Variants in SHROOM3 observed in about 807,000 individuals in gnomAD.
The protein encoded by SHROOM3 is protein Shroom3.
In SHROOM3, 47 loss-of-function variants were observed where a neutral mutation model predicts 138.6. That is an observed-to-expected ratio of 0.34 (90% CI 0.27 to 0.43). The LOEUF is 0.43. Ranked by LOEUF, SHROOM3 falls within the 20% of genes least tolerant of loss-of-function variation. The pLI, the probability that SHROOM3 is intolerant of heterozygous loss-of-function variation, is 1.00. For synonymous variants in SHROOM3, 1,062 were observed against 1,063.3 expected (o/e 1.00, Z 0.02); for missense variants, 2,491 against 2,596.5 (o/e 0.96, Z 0.88).
chr4:76,722,577 T>C (rs1720583655), intron 3 of SHROOM3, among the ~76,000 whole-genome samples: 1 of 151,878 alleles, frequency 6.6e-6, no homozygotes, highest in Non-Finnish European at 1.5e-5. Flanking sequence ...GCCTGGGTGA[T>C]GGAATAATCT....
chr4:76,584,422 C>T (rs1172058597), intron 2 of SHROOM3, among the ~76,000 whole-genome samples: 2 of 152,066 alleles, frequency 1.3e-5, no homozygotes, highest in South Asian at 2.1e-4. Flanking sequence ...CCAACACAAC[C>T]TGTTGAGGAT....
Position 76,595,963 on chromosome 4 carries a change from G to A in SHROOM3, c.323+40200G>A, listed in dbSNP as rs572697705. 3.3e-5 allele frequency among the ~76,000 whole-genome samples: 5 copies of A among 152,274 alleles called. No homozygotes were observed. In the South Asian group the frequency reaches 8.3e-4, roughly 25 times the overall value. On this transcript the variant is annotated intron_variant, in intron 2 of 10. Transcript: ENST00000296043. ...TAATCTGGGATAAGGTAAACCTGAA[G>A]TTCTCTGCTCCATGGTTGTTTTCTG...
At chr4:76,620,048 G>T (rs1367367857) in intron 2 of SHROOM3, among the ~76,000 whole-genome samples, 2 of 119,138 alleles carry the variant, frequency 1.7e-5, no homozygotes, top group South Asian at 2.7e-4. Flanking sequence ...TCCAGCCTGG[G>T]CAACAGAACA....
chr4:76,731,344 A>G (rs1377597893), intron 4 of SHROOM3, among the ~76,000 whole-genome samples: 1 of 152,112 alleles, frequency 6.6e-6, no homozygotes, highest in African/African-American at 2.4e-5. Flanking sequence ...TGCTCTTTCA[A>G]TTAAGGTAAT....
At chr4:76,647,914 TACAGAAAAA>T (rs1735861640) in intron 2 of SHROOM3, among the ~76,000 whole-genome samples, 2 of 152,060 alleles carry the variant, frequency 1.3e-5, no homozygotes, top group African/African-American at 4.8e-5. Flanking sequence ...ATAATAATAA[TACAGAAAAA>T]AACTATGGAC....
chr4:76,734,341 T>C (rs1025151298), intron 4 of SHROOM3, among the ~76,000 whole-genome samples: 2 of 152,186 alleles, frequency 1.3e-5, no homozygotes, highest in Admixed American at 6.5e-5. Flanking sequence ...GGGAGAACAA[T>C]AGTTTATAAA....
chr4:76,507,028 T>G (rs1732225755), intron 1 of SHROOM3, among the ~76,000 whole-genome samples: 1 of 152,178 alleles, frequency 6.6e-6, no homozygotes, highest in Non-Finnish European at 1.5e-5. Context: ...TGTTTCACAT[T>G]ATTAATGTCA....
At chr4:76,535,414 G>A (rs7441910) in intron 1 of SHROOM3, among the ~76,000 whole-genome samples, 102,824 of 151,966 alleles carry the variant, frequency 0.68, 35,159 homozygotes, top group East Asian at 0.94. Flanking sequence ...TTTGAAAATG[G>A]GAGCAATTCT....
chr4:76,489,666 G>A (rs528279049), intron 1 of SHROOM3, among the ~76,000 whole-genome samples: 143 of 152,264 alleles, frequency 9.4e-4, no homozygotes, highest in African/African-American at 3.3e-3. Flanking sequence ...GAGGCCTTGG[G>A]GTTTTGGAGG....
intron 2 of SHROOM3, among the ~76,000 whole-genome samples, chr4:76,624,947 C>T (rs1424993500): frequency 6.6e-6 from 1 of 152,160 alleles, no homozygotes; most frequent in Non-Finnish European, 1.5e-5. Flanking sequence ...ATTGTTTCTT[C>T]ATTAACCTCA....
intron 1 of SHROOM3, among the ~76,000 whole-genome samples, chr4:76,469,213 G>A (rs923758547): frequency 6.6e-6 from 1 of 151,906 alleles, no homozygotes; most frequent in African/African-American, 2.4e-5. Flanking sequence ...AAAAAAAAGA[G>A]CATTTAATAA....
chr4:76,618,178 C>T (rs1359955678), intron 2 of SHROOM3, among the ~76,000 whole-genome samples: 1 of 152,064 alleles, frequency 6.6e-6, no homozygotes, highest in African/African-American at 2.4e-5. Context: ...GTGGCATGTG[C>T]CTATAGGCCT....
At position 76,560,556 on chromosome 4, in the gene SHROOM3, G is replaced by C. The variant is rs1413433089; in HGVS notation, c.323+4793G>C. On this transcript the variant is annotated intron_variant, in intron 2 of 10. Transcript: ENST00000296043. ...ACCTTCCAACCTTCTGCATTAAGGT[G>C]CTATTTATTTTGTTTATTTACTTAT... Among the ~76,000 whole-genome samples, 4 of 152,188 alleles carry C rather than the reference G, an allele frequency of 2.6e-5. No homozygotes were observed. The East Asian group carries it at 7.7e-4, about 29-fold the overall frequency.
At chr4:76,746,124 A>C (rs1721428228) in intron 5 of SHROOM3, among the ~76,000 whole-genome samples, 1 of 152,240 alleles carries the variant, frequency 6.6e-6, no homozygotes, top group African/African-American at 2.4e-5. Flanking sequence ...TTTTCACCCC[A>C]TACTGTCTGA....
intron 6 of SHROOM3, among the ~76,000 whole-genome samples, chr4:76,751,791 A>T (rs796642294): frequency 2.0e-5 from 3 of 152,244 alleles, no homozygotes; most frequent in South Asian, 4.1e-4. Flanking sequence ...AATGGCTGCA[A>T]TTAAAAAAAC....
intron 2 of SHROOM3, among the ~76,000 whole-genome samples, chr4:76,678,815 C>A (rs1163828914): frequency 6.6e-6 from 1 of 152,122 alleles, no homozygotes; most frequent in African/African-American, 2.4e-5. Context: ...TGCCTGCCAC[C>A]ATGCCCGGCT....
At chr4:76,448,484 C>T (rs1421013848) in intron 1 of SHROOM3, among the ~76,000 whole-genome samples, 3 of 152,178 alleles carry the variant, frequency 2.0e-5, no homozygotes, top group Non-Finnish European at 2.9e-5. Context: ...CCAAGAGCAA[C>T]CCTCCATGAC....
chr4:76,739,637 C>G lies in SHROOM3; in HGVS notation c.1464C>G (p.Asn488Lys). Residue 488 changes from asparagine to lysine, a missense_variant, in exon 5 of 11, where the codon AAC becomes AAG. Transcript: ENST00000296043. ...AQVPQPSVSS[N>K]GMLYPALAKE... ...TGCCTCAGCCTTCTGTGAGTAGCAA[C>G]GGTATGCTCTACCCTGCACTGGCCA... The G allele has an allele frequency of 6.2e-7, 1 of 1,614,176 alleles. No individual in the cohort carries two copies. Among genetic ancestry groups the G allele is most frequent in the South Asian group, 1.1e-5 (1 of 91,082 alleles).
intron 2 of SHROOM3, among the ~76,000 whole-genome samples, chr4:76,617,061 G>T (rs978598611): frequency 6.6e-6 from 1 of 152,222 alleles, no homozygotes; most frequent in African/African-American, 2.4e-5. Context: ...TTAACTGGAT[G>T]AGTATTACCC....
Sources: gnomAD v4.1 joint callset for allele counts (sites outside exome capture counted in the v4.1 genomes callset) on GRCh38, gnomAD v4.1.1 for gene constraint, MANE v1.5 for transcripts, NCBI Gene and HGNC (gene_info 2026-07-23, HGNC 2026-07-21) for gene names.